Variants in NPEPPS observed in about 807,000 individuals in gnomAD.
NPEPPS encodes puromycin-sensitive aminopeptidase.
Under a neutral mutation model 115.5 loss-of-function variants are expected in NPEPPS, and 14 were observed. The ratio of observed to expected loss-of-function variants is 0.12; its 90% CI spans 0.08 to 0.19. The LOEUF (loss-of-function observed/expected upper bound fraction) is 0.19. Among genes scored for constraint, NPEPPS ranks in the 10% least tolerant of loss-of-function variants. The pLI is 1.00. For missense variants in NPEPPS, 523 were observed against 1,110.8 expected (o/e 0.47, Z 7.52); for synonymous variants, 285 against 390.6 (o/e 0.73, Z 3.19).
rs1909180774 is a variant in NPEPPS, at chr17:47,546,043, G to GTTGT, written c.340+50_340+51insTTGT. 23 of 1,212,624 alleles carry GTTGT rather than the reference G, an allele frequency of 1.9e-5. No individual in the cohort carries two copies. In the South Asian group the frequency reaches 3.7e-4, roughly 20 times the overall value. 75.1% of individuals were successfully genotyped at this position (1,212,624 alleles called of 1,614,324 possible). A position where few individuals can be genotyped will look rare whatever the true frequency, so the allele number is the denominator to read the frequency against. On this transcript the variant is annotated intron_variant, in intron 2 of 22. Coordinates refer to ENST00000322157, the MANE Select transcript of NPEPPS (RefSeq NM_006310.4). ...TTGCTGTCTGCATGTGCATATGTGG[G>GTTGT]GTGTGTGTGTGTGTGTGTGTGTGTG... is the stretch of plus-strand genomic sequence containing the variant.
chr17:47,613,845 T>A lies in NPEPPS; in HGVS notation c.2295+120T>A, dbSNP rs1039990812. ...AAAAGAAAGATGCATATTGTAGACATGCAAGTATTTTAAAACTGTGAGAGA... is the reference window on the plus strand; with the variant it reads ...AAAAGAAAGATGCATATTGTAGACAAGCAAGTATTTTAAAACTGTGAGAGA... On this transcript the variant is annotated intron_variant, in intron 19 of 22. Transcript: ENST00000322157. The A allele has an allele frequency of 2.0e-5, 13 of 665,612 alleles. No individual in the cohort carries two copies. The South Asian group carries it at 2.0e-4, about 10-fold the overall frequency. The allele number at this position is 665,612 out of a possible 1,614,324, so 41.2% of individuals were successfully genotyped here.
intron 2 of NPEPPS, among the ~76,000 whole-genome samples, chr17:47,552,156 G>A (rs1909700976): frequency 6.6e-6 from 1 of 151,008 alleles, no homozygotes; most frequent in African/African-American, 2.4e-5. Context: ...TGTAGAGATG[G>A]GGTTTTGCAA....
rs747406184 is a variant in NPEPPS at position 47,556,073 on chromosome 17, C to CT, written c.340+10101dup. 4.9e-3 allele frequency among the ~76,000 whole-genome samples: 398 copies of CT among 80,696 alleles called. 4 individuals are homozygous for CT. Among genetic ancestry groups the CT allele is most frequent in the South Asian group, 0.019 (45 of 2,342 alleles). The allele number at this position is 80,696 out of a possible 152,430, so 52.9% of individuals were successfully genotyped here. ...CTGCCTCCCGGGTTCAAGCAATTCT[C>CT]TTTTTTTTTTTTTTTTTTTTTAATT... On this transcript the variant is annotated intron_variant, in intron 2 of 22. Coordinates refer to ENST00000322157, the MANE Select transcript of NPEPPS (RefSeq NM_006310.4).
chr17:47,573,800 G>C (rs1911343204), intron 3 of NPEPPS, among the ~76,000 whole-genome samples: 1 of 152,238 alleles, frequency 6.6e-6, no homozygotes, highest in South Asian at 2.1e-4. Flanking sequence ...CTTAGGGGCA[G>C]GGTGTGGGGA....
chr17:47,547,377 C>T (rs1417447024), intron 2 of NPEPPS, among the ~76,000 whole-genome samples: 11 of 150,366 alleles, frequency 7.3e-5, no homozygotes, highest in African/African-American at 1.2e-4. Context: ...GAGAGAGTCT[C>T]GCTCTGTCAC....
chr17:47,585,523 C>A lies in NPEPPS; in HGVS notation c.672C>A (p.Tyr224Ter). ...AGAATGTAATTGACCGGAAACCATA[C>A]CCTGATGATGAAAATTTAGTGGAAG... ...SNMNVIDRKP[Y>*]PDDENLVEVK... The change falls in exon 6 of 23, where the codon TAC becomes TAA. Residue 224 changes from tyrosine (Y) to a stop codon, truncating the protein, a stop_gained. Transcript: ENST00000322157. LOFTEE classifies it high-confidence loss of function. The A allele has an allele frequency of 6.2e-7, 1 of 1,613,034 alleles. No individual in the cohort carries two copies.
chr17:47,536,751 G>A (rs1388536146), intron 1 of NPEPPS, among the ~76,000 whole-genome samples: 2 of 109,060 alleles, frequency 1.8e-5, no homozygotes, highest in Non-Finnish European at 3.5e-5. Context: ...TGCTCTTGTT[G>A]CCCAGGCTGG....
chr17:47,548,976 G>A (rs1909438792), intron 2 of NPEPPS, among the ~76,000 whole-genome samples: 1 of 152,180 alleles, frequency 6.6e-6, no homozygotes, highest in Non-Finnish European at 1.5e-5. Context: ...AGAGTCAGGA[G>A]AGAAATGAAA....
rs140722216 is a variant in NPEPPS, at chr17:47,546,382, C to T, written c.340+389C>T. ...CCGAGGCTGCAGTGAGCCATGATTG[C>T]GCCGCTGCACTCCAGCCTGTGCGAC... On this transcript the variant is annotated intron_variant, in intron 2 of 22. Transcript: ENST00000322157. 2.6e-3 allele frequency among the ~76,000 whole-genome samples: 395 copies of T among 151,980 alleles called. 1 individual carries two copies. The highest frequency in any genetic ancestry group is 9.1e-3 in the African/African-American group (375 of 41,432).
At chr17:47,619,862 G>C in intron 22 of NPEPPS, 78 bp downstream of exon 22, 1 of 1,110,872 alleles carries the variant, frequency 9.0e-7, no homozygotes, top group Non-Finnish European at 1.4e-6. Context: ...TATAGTGTTG[G>C]GATAATGTAC....
chr17:47,556,379 C>T (rs1567844858), intron 2 of NPEPPS, among the ~76,000 whole-genome samples: 1 of 152,090 alleles, frequency 6.6e-6, no homozygotes, highest in Non-Finnish European at 1.5e-5. Context: ...GCACATGTTT[C>T]AGAGAGCACC....
chr17:47,599,920 C>T (rs937472187), intron 14 of NPEPPS, among the ~76,000 whole-genome samples, 181 bp downstream of exon 14: 1 of 151,902 alleles, frequency 6.6e-6, no homozygotes, highest in Admixed American at 6.6e-5. Flanking sequence ...TGGGTTCAAG[C>T]AATTCTCCTG....
intron 2 of NPEPPS, among the ~76,000 whole-genome samples, chr17:47,552,359 C>T (rs1199215959): frequency 6.6e-6 from 1 of 152,154 alleles, no homozygotes; most frequent in African/African-American, 2.4e-5. Context: ...ATCATTAGTT[C>T]AAACTGGAGC....
In NPEPPS at chr17:47,618,511, A is replaced by C. The variant is rs1914351118; in HGVS notation, c.2403+54A>C. The C allele has an allele frequency of 5.7e-6, 7 of 1,218,032 alleles. No homozygotes were observed. In the South Asian group the frequency reaches 8.5e-5, roughly 15 times the overall value. 75.5% of individuals were successfully genotyped at this position (1,218,032 alleles called of 1,614,324 possible). ...AGTGAATCGTTACCCATCTCTGAGA[A>C]GTGTCTCTGATTCAGCTCTGATCCT... On this transcript the variant is annotated intron_variant, in intron 20 of 22. Coordinates refer to ENST00000322157, the MANE Select transcript of NPEPPS (RefSeq NM_006310.4).
chr17:47,534,946 T>G (rs1567832934), intron 1 of NPEPPS, among the ~76,000 whole-genome samples: 1 of 151,840 alleles, frequency 6.6e-6, no homozygotes, highest in Admixed American at 6.6e-5. Context: ...TTCAGTGATT[T>G]AAAAATCAAT....
At chr17:47,525,622 C>T (rs1286076999) in intron 1 of NPEPPS, among the ~76,000 whole-genome samples, 1 of 152,134 alleles carries the variant, frequency 6.6e-6, no homozygotes, top group Admixed American at 6.6e-5. Flanking sequence ...GGATTACAGG[C>T]GTGAGGCATG....
intron 9 of NPEPPS, among the ~76,000 whole-genome samples, chr17:47,590,198 G>A (rs184231117): frequency 6.6e-6 from 1 of 152,126 alleles, no homozygotes; most frequent in African/African-American, 2.4e-5. Context: ...CCCTGTCTGG[G>A]TTTGCGGGAG....
chr17:47,599,894 T>C (rs1037914910), intron 14 of NPEPPS, among the ~76,000 whole-genome samples, 155 bp downstream of exon 14: 2 of 151,996 alleles, frequency 1.3e-5, no homozygotes, highest in Non-Finnish European at 2.9e-5. Flanking sequence ...CTTGGCTCAC[T>C]GCAACCTCCA....
At chr17:47,588,831 T>C (rs1238986760) in intron 9 of NPEPPS, among the ~76,000 whole-genome samples, 1 of 152,170 alleles carries the variant, frequency 6.6e-6, no homozygotes. Context: ...TTCCAAGGGC[T>C]TAGGGATAGG....
Sources: allele counts gnomAD v4.1 joint callset (sites outside exome capture counted in the v4.1 genomes callset), GRCh38; gene constraint gnomAD v4.1.1; transcripts MANE v1.5; gene names NCBI Gene and HGNC (gene_info 2026-07-23, HGNC 2026-07-21).